Variants in NBEA observed in about 807,000 individuals in gnomAD.
NBEA encodes the protein neurobeachin.
A neutral mutation model predicts 343.4 loss-of-function variants in NBEA; 44 were observed. The ratio of observed to expected loss-of-function variants is 0.13; its 90% confidence interval spans 0.10 to 0.16. The LOEUF is 0.16. NBEA is among the 10% of genes least tolerant of loss of function. The pLI is 1.00. For synonymous variants in NBEA, 1,175 were observed against 1,238.7 expected, an observed-to-expected ratio of 0.95 and a Z score of 1.08; for missense variants, 2,555 against 3,631.3, an observed-to-expected ratio of 0.70 and a Z score of 7.62.
At chr13:34,994,645 A>G (rs896496273) in intron 1 of NBEA, among the ~76,000 whole-genome samples, 4 of 152,196 alleles carry the variant, frequency 2.6e-5, no homozygotes, top group African/African-American at 9.7e-5. Flanking sequence ...ACTGTTGTGT[A>G]TGAGCAATAA....
At chr13:35,096,652 A>G (rs1417964446) in intron 10 of NBEA, among the ~76,000 whole-genome samples, 2 of 151,898 alleles carry the variant, frequency 1.3e-5, no homozygotes, top group Non-Finnish European at 2.9e-5. Context: ...CTAAATCACT[A>G]ACTTTGGTGT....
intron 33 of NBEA, among the ~76,000 whole-genome samples, chr13:35,224,425 A>C (rs941618250): frequency 1.3e-5 from 2 of 151,986 alleles, no homozygotes; most frequent in Admixed American, 6.6e-5. Flanking sequence ...GAATGCACCA[A>C]TGTGCACACT....
intron 38 of NBEA, among the ~76,000 whole-genome samples, chr13:35,389,832 C>T (rs985821786): frequency 2.0e-5 from 3 of 152,008 alleles, no homozygotes; most frequent in Admixed American, 1.3e-4. Context: ...ATAAATGGCT[C>T]AACTGCTAGC....
chr13:35,458,198 A>G (rs186978078), intron 40 of NBEA, among the ~76,000 whole-genome samples: 15 of 152,218 alleles, frequency 9.9e-5, no homozygotes, highest in African/African-American at 3.1e-4. Context: ...GAGGGTTTCA[A>G]TTTCTCCATA....
chr13:35,360,890 AATC>A (rs1348501471), intron 38 of NBEA, among the ~76,000 whole-genome samples: 1 of 152,050 alleles, frequency 6.6e-6, no homozygotes, highest in Non-Finnish European at 1.5e-5. Context: ...TTGAACACTG[AATC>A]ATCAGAAGAA....
intron 34 of NBEA, among the ~76,000 whole-genome samples, chr13:35,282,351 G>A (rs145650802): frequency 2.6e-5 from 4 of 152,234 alleles, no homozygotes; most frequent in African/African-American, 9.6e-5. Context: ...TGTGTACATG[G>A]TTAAAACACA....
intron 18 of NBEA, among the ~76,000 whole-genome samples, chr13:35,154,019 G>T (rs887803146): frequency 3.3e-5 from 5 of 152,136 alleles, no homozygotes; most frequent in African/African-American, 1.2e-4. Flanking sequence ...CATGTTTGGG[G>T]TCCTTTGTTT....
chr13:35,117,553 A>C (rs2066562174), intron 14 of NBEA, 60 bp downstream of exon 14: 1 of 818,752 alleles, frequency 1.2e-6, no homozygotes, highest in African/African-American at 1.8e-5. Flanking sequence ...AATTTCTGGC[A>C]TGTTTTAAAA....
chr13:35,370,072 T>G (rs1228758089), intron 38 of NBEA, among the ~76,000 whole-genome samples: 1 of 151,914 alleles, frequency 6.6e-6, no homozygotes, highest in South Asian at 2.1e-4. Flanking sequence ...TAAATTCAAT[T>G]TTTTGTTGTT....
chr13:35,609,172 T>C (rs1212984395), intron 48 of NBEA, among the ~76,000 whole-genome samples: 2 of 152,226 alleles, frequency 1.3e-5, no homozygotes, highest in Non-Finnish European at 2.9e-5. Context: ...ACTGGACATT[T>C]CACATTTATT....
At chr13:35,154,756 A>G (rs759884588) in intron 18 of NBEA, among the ~76,000 whole-genome samples, 1 of 152,088 alleles carries the variant, frequency 6.6e-6, no homozygotes, top group Non-Finnish European at 1.5e-5. Context: ...TTTGTATTTG[A>G]AAGGAATAAT....
intron 58 of NBEA, among the ~76,000 whole-genome samples, chr13:35,670,341 A>C (rs1489311348): frequency 6.6e-6 from 1 of 152,176 alleles, no homozygotes; most frequent in Admixed American, 6.5e-5. Context: ...GGTACCAGTG[A>C]TTCATGGTGG....
intron 29 of NBEA, among the ~76,000 whole-genome samples, chr13:35,182,833 A>G (rs2071408139): frequency 6.6e-6 from 1 of 151,982 alleles, no homozygotes; most frequent in African/African-American, 2.4e-5. Flanking sequence ...TAAATATATT[A>G]CTTTTTTAAC....
chr13:35,603,475 T>C (rs886127787), intron 47 of NBEA, among the ~76,000 whole-genome samples: 7 of 152,198 alleles, frequency 4.6e-5, no homozygotes, highest in Non-Finnish European at 8.8e-5. Context: ...GAAATTGCAT[T>C]GTAGTGGTAA....
rs1175842612 is a variant in NBEA at position 35,655,680 on chromosome 13, C to G, written c.8293C>G (p.Arg2765Gly). The change falls in exon 55 of 59, where the codon CGA becomes GGA. Residue 2765 changes from arginine (R) to glycine (G), a missense_variant. Physicochemically the swap from Arg to Gly is moderately radical, Grantham distance 125 (BLOSUM62 -2). Around this residue, in one of 21 missense-constraint regions of NBEA, gnomAD observed 186 missense variants for 328.9 expected, o/e 0.57. Coordinates refer to ENST00000379939, the MANE Select transcript of NBEA (RefSeq NM_001385012.1). Reference sequence around the variant, plus strand: ...GGACTGCTACATCGTGTCCGGATCTCGAGATGCCACCCTGCTGCTCTGGTA... The same window carrying G: ...GGACTGCTACATCGTGTCCGGATCTGGAGATGCCACCCTGCTGCTCTGGTA... ...GGDCYIVSGS[R>G]DATLLLWYWS... 1.2e-6 allele frequency: 2 copies of G among 1,613,858 alleles called. No individual in the cohort carries two copies. The highest frequency in any genetic ancestry group is 1.7e-6 in the Non-Finnish European group (2 of 1,179,876).
chr13:35,007,485 C>A (rs1290996972), intron 1 of NBEA, among the ~76,000 whole-genome samples: 1 of 151,994 alleles, frequency 6.6e-6, no homozygotes, highest in Non-Finnish European at 1.5e-5. Context: ...CTGAAATCTT[C>A]AATCTTTTTT....
At chr13:35,499,563 A>G (rs1456926447) in intron 41 of NBEA, among the ~76,000 whole-genome samples, 1 of 151,788 alleles carries the variant, frequency 6.6e-6, no homozygotes, top group African/African-American at 2.4e-5. Flanking sequence ...TTTGTTTGCT[A>G]CCCTTATTTG....
chr13:34,958,484 A>G (rs1181738478), intron 1 of NBEA, among the ~76,000 whole-genome samples: 2 of 147,044 alleles, frequency 1.4e-5, no homozygotes, highest in Non-Finnish European at 3.1e-5. Flanking sequence ...GGCCTGTTAT[A>G]TAGTAAACAT....
intron 38 of NBEA, among the ~76,000 whole-genome samples, chr13:35,376,793 G>C (rs1456809012): frequency 2.0e-5 from 3 of 152,042 alleles, no homozygotes; most frequent in Non-Finnish European, 2.9e-5. Flanking sequence ...TAGGAAAAGG[G>C]GTTTTGAAGT....
Sources: gnomAD v4.1 joint callset for allele counts (sites outside exome capture counted in the v4.1 genomes callset) on GRCh38, gnomAD v4.1.1 for gene constraint, gnomAD v4.1.1 regional missense constraint, MANE v1.5 for transcripts, NCBI Gene and HGNC (gene_info 2026-07-23, HGNC 2026-07-21) for gene names.